The following GMDS variants were observed in gnomAD, a reference collection of about 807,000 sequenced individuals.
GMDS encodes the protein GDP-mannose 4,6 dehydratase.
GMDS carries 20 observed loss-of-function variants against 49.9 expected under a neutral mutation model. The observed-to-expected ratio is 0.40, with a 90% CI of 0.28 to 0.58. The LOEUF (loss-of-function observed/expected upper bound fraction) is 0.58. Ranked by LOEUF, GMDS falls within the 20% of genes least tolerant of loss-of-function variation. The pLI is 0.42. For synonymous variants in GMDS, 177 were observed against 178.6 expected, an observed-to-expected ratio of 0.99 and a Z score of 0.07; for missense variants, 362 against 481.4, an observed-to-expected ratio of 0.75 and a Z score of 2.32.
intron 9 of GMDS, among the ~76,000 whole-genome samples, chr6:1,634,821 T>G (rs1581392832): frequency 6.7e-6 from 1 of 150,114 alleles, no homozygotes; most frequent in African/African-American, 2.5e-5. Context: ...ACACGAGGGG[T>G]GGGGAGGGGA....
At chr6:2,080,387 T>A (rs772216118) in intron 4 of GMDS, among the ~76,000 whole-genome samples, 2 of 152,244 alleles carry the variant, frequency 1.3e-5, no homozygotes, top group Admixed American at 6.5e-5. Context: ...CCTTGCTTTT[T>A]GATGTTTCCT....
At position 2,093,360 on chromosome 6, in the gene GMDS, C is replaced by T. The variant is rs547347255; in HGVS notation, c.345+22411G>A. 4.6e-5 allele frequency among the ~76,000 whole-genome samples: 7 copies of T among 152,092 alleles called. No homozygotes were observed. In the South Asian group the frequency reaches 1.5e-3, roughly 32 times the overall value. The stretch of plus-strand genomic sequence containing the variant: ...TTTTTGCATTATGCATTCTGTTTCT[C>T]GTAAAAGATGAATGATGAGAAAACA... On this transcript the variant is annotated intron_variant, in intron 4 of 10. Transcript: ENST00000380815.
chr6:1,624,322 G>GCTC (rs1461115014), intron 10 of GMDS, 91 bp from the exon 11 acceptor site: 61 of 1,335,528 alleles, frequency 4.6e-5, no homozygotes, highest in Non-Finnish European at 6.2e-5. Flanking sequence ...AGAGGCCTCC[G>GCTC]CGTCCCTCGT....
At chr6:2,068,586 A>C (rs1771771353) in intron 4 of GMDS, among the ~76,000 whole-genome samples, 1 of 152,194 alleles carries the variant, frequency 6.6e-6, no homozygotes, top group East Asian at 1.9e-4. Flanking sequence ...TACAAAATCA[A>C]TGTGCAAAAA....
At chr6:2,005,048 G>A (rs1162237782) in intron 4 of GMDS, among the ~76,000 whole-genome samples, 1 of 152,130 alleles carries the variant, frequency 6.6e-6, no homozygotes, top group Non-Finnish European at 1.5e-5. Context: ...TACTTAAGAA[G>A]TACTTAAGGG....
At chr6:1,806,445 C>T (rs1770180685) in intron 7 of GMDS, among the ~76,000 whole-genome samples, 2 of 151,444 alleles carry the variant, frequency 1.3e-5, no homozygotes, top group South Asian at 2.1e-4. Flanking sequence ...TGGGAACACA[C>T]ACACACACAC....
chr6:2,154,217 A>G (rs1776990185), intron 1 of GMDS, among the ~76,000 whole-genome samples: 1 of 152,186 alleles, frequency 6.6e-6, no homozygotes, highest in Non-Finnish European at 1.5e-5. Context: ...TGGAAAAACC[A>G]TGAAGTATAT....
chr6:1,885,496 G>A lies in GMDS; in HGVS notation c.771+44607C>T, dbSNP rs142976051. ...ACCATGGGAGGGATATATCTAAACC[G>A]ACATTGGCTGGAGACTACAAAGGCA... On this transcript the variant is annotated intron_variant, in intron 7 of 10. Coordinates refer to ENST00000380815, the MANE Select transcript of GMDS (RefSeq NM_001500.4). Among the ~76,000 whole-genome samples, 522 of 152,278 alleles carry A rather than the reference G, an allele frequency of 3.4e-3. 3 individuals carry two copies. Among genetic ancestry groups the A allele is most frequent in the African/African-American group, 0.012 (483 of 41,552 alleles).
chr6:1,803,111 A>C (rs915029954), intron 7 of GMDS, among the ~76,000 whole-genome samples: 1 of 152,208 alleles, frequency 6.6e-6, no homozygotes, highest in Non-Finnish European at 1.5e-5. Flanking sequence ...GTGGAACCTC[A>C]TGCAGGCAGC....
intron 9 of GMDS, among the ~76,000 whole-genome samples, chr6:1,682,513 G>C (rs1036112112): frequency 1.3e-5 from 2 of 152,226 alleles, no homozygotes; most frequent in Admixed American, 6.5e-5. Flanking sequence ...CCAGGCAGGC[G>C]GGCAGGCCAG....
chr6:1,730,654 C>A (rs577513982), intron 8 of GMDS, among the ~76,000 whole-genome samples: 1 of 152,146 alleles, frequency 6.6e-6, no homozygotes, highest in Non-Finnish European at 1.5e-5. Context: ...CACCACACAG[C>A]TCTCTGTGGG....
At chr6:2,087,911 C>T (rs192226762) in intron 4 of GMDS, among the ~76,000 whole-genome samples, 247 of 152,226 alleles carry the variant, frequency 1.6e-3, no homozygotes, top group African/African-American at 5.1e-3. Flanking sequence ...GACATTATTG[C>T]GCATCTTCTG....
chr6:1,633,814 C>T (rs1581391757), intron 9 of GMDS, among the ~76,000 whole-genome samples: 1 of 152,216 alleles, frequency 6.6e-6, no homozygotes, highest in South Asian at 2.1e-4. Flanking sequence ...TGGTTTCTGC[C>T]ATGGAGCCCA....
intron 9 of GMDS, among the ~76,000 whole-genome samples, chr6:1,661,786 G>T (rs1052721432): frequency 6.6e-6 from 1 of 152,000 alleles, no homozygotes; most frequent in African/African-American, 2.4e-5. Context: ...CTGCAGTGAT[G>T]GGGGGTGCAG....
In GMDS at chr6:2,198,241, T is replaced by C. The variant is rs907677841; in HGVS notation, c.102+47080A>G. ...GGCCATGATGACAAATCTGGCTATG[T>C]ATACACAGATGCATATGCCTGTACA... On this transcript the variant is annotated intron_variant, in intron 1 of 10. Coordinates refer to ENST00000380815, the MANE Select transcript of GMDS (RefSeq NM_001500.4). Among the ~76,000 whole-genome samples the C allele has an allele frequency of 2.6e-5, 4 of 152,330 alleles. No homozygotes were observed. The East Asian group carries it at 7.7e-4, about 29-fold the overall frequency.
At chr6:2,223,459 CA>C (rs1224980045) in intron 1 of GMDS, among the ~76,000 whole-genome samples, 2 of 107,424 alleles carry the variant, frequency 1.9e-5, no homozygotes, top group African/African-American at 1.0e-4. Flanking sequence ...TCACTGGCAG[CA>C]AATGAATGGA....
chr6:2,075,916 CTGT>C (rs1205292961), intron 4 of GMDS, among the ~76,000 whole-genome samples: 3 of 152,120 alleles, frequency 2.0e-5, no homozygotes, highest in African/African-American at 7.2e-5. Flanking sequence ...TCTCCAGCAC[CTGT>C]TGTTTCCTGA....
At chr6:2,196,223 T>C (rs1215196724) in intron 1 of GMDS, among the ~76,000 whole-genome samples, 1 of 152,226 alleles carries the variant, frequency 6.6e-6, no homozygotes, top group Non-Finnish European at 1.5e-5. Flanking sequence ...ACTATAATTA[T>C]CAAGGACTAA....
At chr6:1,636,928 C>T (rs1763170688) in intron 9 of GMDS, among the ~76,000 whole-genome samples, 1 of 152,220 alleles carries the variant, frequency 6.6e-6, no homozygotes, top group South Asian at 2.1e-4. Context: ...CGGGGGATCG[C>T]TGGGACCGGA....
Sources: gnomAD v4.1 joint callset for allele counts (sites outside exome capture counted in the v4.1 genomes callset) on GRCh38, gnomAD v4.1.1 for gene constraint, MANE v1.5 for transcripts, NCBI Gene and HGNC (gene_info 2026-07-23, HGNC 2026-07-21) for gene names.